The following ADGRV1 variants were observed in gnomAD, a reference collection of about 807,000 sequenced individuals.
The protein encoded by ADGRV1 is adhesion G protein-coupled receptor V1.
In ADGRV1, 359 loss-of-function variants were observed where a neutral mutation model predicts 596.2. The observed-to-expected ratio is 0.60, with a 90% CI of 0.55 to 0.66. The LOEUF (loss-of-function observed/expected upper bound fraction) is 0.66. ADGRV1 is among the 30% of genes least tolerant of loss of function. The pLI is 0.00. For missense variants in ADGRV1, 7,274 were observed against 7,575.6 expected (o/e 0.96, Z 1.48); for synonymous variants, 2,681 against 2,679.2 (o/e 1.00, Z -0.02).
intron 45 of ADGRV1, among the ~76,000 whole-genome samples, chr5:90,721,421 G>A (rs1479507359): frequency 6.6e-6 from 1 of 151,636 alleles, no homozygotes; most frequent in East Asian, 1.9e-4. Flanking sequence ...GGAGAATGGC[G>A]TGAACCTGGG....
Position 90,779,106 on chromosome 5 carries a change from G to A in ADGRV1, c.13082+9G>A. The A allele has an allele frequency of 6.5e-7, 1 of 1,529,862 alleles. No individual in the cohort carries two copies. The highest frequency in any genetic ancestry group is 1.4e-5 in the African/African-American group (1 of 73,152). 94.8% of individuals were successfully genotyped at this position (1,529,862 alleles called of 1,614,324 possible). A position where few individuals can be genotyped will look rare whatever the true frequency, so the allele number is the denominator to read the frequency against. ...GTGGAACTCCAGGGAAGGTAAAGGA[G>A]AAAGGCAATTAGGAAAAAGAAAGCA... On this transcript the variant is annotated intron_variant, in intron 64 of 89. Coordinates refer to ENST00000405460, the MANE Select transcript of ADGRV1 (RefSeq NM_032119.4).
In ADGRV1 at chr5:90,647,638, G is replaced by A; in HGVS notation, c.3163G>A (p.Val1055Ile). The A allele has an allele frequency of 6.2e-7, 1 of 1,613,938 alleles. No individual in the cohort carries two copies. Among genetic ancestry groups the A allele is most frequent in the Non-Finnish European group, 8.5e-7 (1 of 1,179,876 alleles). ...TGCAAGAGAGAGAGATTTCATTCCT[G>A]TTGAAAAAGGAGAAACGCTCATTTT... ...ATARERDFIPVEKGETLIFEV... is the reference protein window; with the variant it reads ...ATARERDFIPIEKGETLIFEV... Residue 1055 changes from valine to isoleucine, a missense_variant, in exon 17 of 90, where the codon GTT (valine) becomes ATT (isoleucine). Around this residue, in one of 5 missense-constraint regions of ADGRV1, gnomAD observed 1,715 missense variants for 1,708.8 expected, o/e 1.00. Transcript: ENST00000405460.
chr5:91,144,097 C>T (rs1454050707), intron 87 of ADGRV1, among the ~76,000 whole-genome samples: 3 of 152,110 alleles, frequency 2.0e-5, no homozygotes, highest in Non-Finnish European at 4.4e-5. Flanking sequence ...TTCCTGGGCC[C>T]TTGAGAGTGC....
At chr5:90,737,225 A>C (rs1753356764) in intron 50 of ADGRV1, among the ~76,000 whole-genome samples, 1 of 151,888 alleles carries the variant, frequency 6.6e-6, no homozygotes, top group Non-Finnish European at 1.5e-5. Context: ...TAATTTCTAC[A>C]TATTTGTGAA....
chr5:90,885,042 T>A (rs1304427073), intron 83 of ADGRV1, among the ~76,000 whole-genome samples: 1 of 152,124 alleles, frequency 6.6e-6, no homozygotes, highest in Non-Finnish European at 1.5e-5. Flanking sequence ...CCATGGACCA[T>A]GCAGCCCCAC....
chr5:90,975,866 A>G (rs1012030954), intron 84 of ADGRV1, among the ~76,000 whole-genome samples: 1 of 147,884 alleles, frequency 6.8e-6, no homozygotes, highest in Non-Finnish European at 1.5e-5. Flanking sequence ...TAAAAAAAAA[A>G]TAATAAGGCA....
Position 90,608,622 on chromosome 5 carries a change from A to G in ADGRV1, c.23-6213A>G, listed in dbSNP as rs139200923. ...ATAATATTGTGATAATGCCTAACAT[A>G]CAAGACCTAAAACATTTATCTTTAC... is the stretch of plus-strand genomic sequence containing the variant. On this transcript the variant is annotated intron_variant, in intron 1 of 89. Transcript: ENST00000405460. 7.9e-5 allele frequency among the ~76,000 whole-genome samples: 12 copies of G among 152,290 alleles called. No homozygotes were observed. In the East Asian group the frequency reaches 2.1e-3, roughly 27 times the overall value.
chr5:90,836,530 A>G (rs953251405), intron 77 of ADGRV1, among the ~76,000 whole-genome samples: 5 of 152,284 alleles, frequency 3.3e-5, no homozygotes, highest in Middle Eastern at 3.4e-3. Context: ...TTACAAAATT[A>G]TAGGAATGGA....
chr5:90,674,966 A>G (rs913036114), intron 23 of ADGRV1, among the ~76,000 whole-genome samples: 1 of 152,208 alleles, frequency 6.6e-6, no homozygotes, highest in Non-Finnish European at 1.5e-5. Context: ...TTAAAACTGT[A>G]TCAGTATTCC....
At chr5:91,120,822 G>C (rs1562245119) in intron 87 of ADGRV1, among the ~76,000 whole-genome samples, 1 of 152,192 alleles carries the variant, frequency 6.6e-6, no homozygotes, top group African/African-American at 2.4e-5. Context: ...GCTTGGCAAT[G>C]TGGAGTATAG....
intron 70 of ADGRV1, among the ~76,000 whole-genome samples, chr5:90,798,677 A>G (rs1261904581): frequency 6.6e-6 from 1 of 152,244 alleles, no homozygotes; most frequent in East Asian, 1.9e-4. Context: ...AAAATTGTCA[A>G]TAAAATACTG....
intron 87 of ADGRV1, among the ~76,000 whole-genome samples, chr5:91,114,985 A>G (rs1302620903): frequency 6.6e-6 from 1 of 152,174 alleles, no homozygotes; most frequent in Non-Finnish European, 1.5e-5. Flanking sequence ...GCTTCTAGGC[A>G]TCTCACTGTA....
intron 43 of ADGRV1, among the ~76,000 whole-genome samples, chr5:90,718,737 T>G (rs1222484649): frequency 3.3e-5 from 5 of 151,984 alleles, no homozygotes; most frequent in African/African-American, 9.6e-5. Flanking sequence ...TTTATTAATT[T>G]TCTATTGCTT....
chr5:90,750,462 T>C (rs1318106956), intron 52 of ADGRV1, 89 bp from the exon 53 acceptor site: 1 of 1,121,060 alleles, frequency 8.9e-7, no homozygotes, highest in East Asian at 2.4e-5. Context: ...ACCACAAAGT[T>C]TGCAAATCCA....
intron 87 of ADGRV1, among the ~76,000 whole-genome samples, chr5:91,148,435 C>CCAGAGGGTGCAAG (rs1401580433): frequency 1.3e-5 from 2 of 152,198 alleles, no homozygotes; most frequent in Non-Finnish European, 2.9e-5. Flanking sequence ...GGCCATTGCA[C>CCAGAGGGTGCAAG]CAGAGGGTGC....
intron 85 of ADGRV1, among the ~76,000 whole-genome samples, chr5:91,036,228 G>C (rs1351057041): frequency 6.6e-6 from 1 of 151,992 alleles, no homozygotes; most frequent in African/African-American, 2.4e-5. Context: ...GCTGGGTATG[G>C]TGGTTCACAC....
At chr5:90,741,278 T>G (rs1009448245) in intron 50 of ADGRV1, among the ~76,000 whole-genome samples, 13 of 152,314 alleles carry the variant, frequency 8.5e-5, no homozygotes, top group African/African-American at 2.9e-4. Flanking sequence ...CTGTCTCTGT[T>G]CTGCTCATTC....
At chr5:91,026,948 C>A (rs552484173) in intron 85 of ADGRV1, among the ~76,000 whole-genome samples, 7 of 151,992 alleles carry the variant, frequency 4.6e-5, no homozygotes, top group African/African-American at 1.4e-4. Context: ...TCGAGACCAA[C>A]CGGGCTAACA....
At chr5:90,973,620 A>T (rs776182352) in intron 84 of ADGRV1, among the ~76,000 whole-genome samples, 2 of 152,222 alleles carry the variant, frequency 1.3e-5, no homozygotes, top group Non-Finnish European at 2.9e-5. Flanking sequence ...ATCTCAACAG[A>T]TGCAGAAAAG....
Sources: gnomAD v4.1 joint callset for allele counts (sites outside exome capture counted in the v4.1 genomes callset) on GRCh38, gnomAD v4.1.1 for gene constraint, gnomAD v4.1.1 regional missense constraint, MANE v1.5 for transcripts, NCBI Gene and HGNC (gene_info 2026-07-23, HGNC 2026-07-21) for gene names.